Variants in DNAH8 observed in about 807,000 individuals in gnomAD.
DNAH8 encodes the protein dynein axonemal heavy chain 8, also known as axonemal beta dynein heavy chain 8.
Under a neutral mutation model 562.1 loss-of-function variants are expected in DNAH8, and 382 were observed. The observed-to-expected ratio is 0.68, with a 90% confidence interval of 0.63 to 0.74. The LOEUF (loss-of-function observed/expected upper bound fraction) is 0.74. Among genes scored for constraint, DNAH8 ranks in the 30% least tolerant of loss-of-function variants. The pLI, the probability that DNAH8 is intolerant of heterozygous loss-of-function variation, is 0.00. For synonymous variants in DNAH8, 1,881 were observed against 1,919.4 expected (o/e 0.98, Z 0.52); for missense variants, 5,203 against 5,620.4 (o/e 0.93, Z 2.37).
intron 88 of DNAH8, among the ~76,000 whole-genome samples, chr6:39,004,566 C>T (rs1765684483): frequency 6.6e-6 from 1 of 152,118 alleles, no homozygotes; most frequent in African/African-American, 2.4e-5. Context: ...GAGATGTAAT[C>T]TGCATATCTT....
At chr6:38,930,673 A>G (rs1423618588) in intron 75 of DNAH8, among the ~76,000 whole-genome samples, 1 of 152,182 alleles carries the variant, frequency 6.6e-6, no homozygotes, top group African/African-American at 2.4e-5. Flanking sequence ...ACTGGCTTGG[A>G]TATTATGGAC....
chr6:38,766,139 A>ATGTGTGTGTGTGTG (rs145206381), intron 11 of DNAH8, among the ~76,000 whole-genome samples: 6 of 150,892 alleles, frequency 4.0e-5, no homozygotes, highest in African/African-American at 1.2e-4. Flanking sequence ...ATGTGTTTGT[A>ATGTGTGTGTGTGTG]TGTGTGTGTG....
Position 38,909,677 on chromosome 6 carries a change from C to A in DNAH8, c.9673C>A (p.Gln3225Lys), listed in dbSNP as rs138703233. 1,526 of 1,614,082 alleles carry A rather than the reference C, an allele frequency of 9.5e-4. 3 individuals are homozygous for A. Among genetic ancestry groups the A allele is most frequent in the Middle Eastern group, 3.5e-3 (21 of 6,062 alleles). Residue 3225 changes from glutamine (Q) to lysine (K), a missense_variant, in exon 65 of 93, where the codon CAA becomes AAA. By Grantham distance (53) the Gln-to-Lys change is moderately conservative (BLOSUM62 1). Around this residue, in one of 6 missense-constraint regions of DNAH8, gnomAD observed 977 missense variants for 1,061.8 expected, o/e 0.92. Coordinates refer to ENST00000327475, the MANE Select transcript of DNAH8 (RefSeq NM_001206927.2). ...NIVCSSEIKR[Q>K]VVETMGLFHD... ...TGTCTGCTCTAGTGAAATTAAAAGA[C>A]AAGTTGTAGAAACAATGGGCCTGTT...
chr6:39,002,056 C>G (rs150686991), intron 88 of DNAH8, among the ~76,000 whole-genome samples: 1 of 152,266 alleles, frequency 6.6e-6, no homozygotes, highest in Non-Finnish European at 1.5e-5. Context: ...GGGCAAGGAG[C>G]AGTCCAGGAG....
At chr6:38,850,127 A>G in intron 37 of DNAH8, 124 bp from the exon 38 acceptor site, 1 of 857,750 alleles carries the variant, frequency 1.2e-6, no homozygotes. Flanking sequence ...TTGTCTGTTT[A>G]AATTATGCAG....
intron 3 of DNAH8, among the ~76,000 whole-genome samples, chr6:38,727,167 A>G (rs1763296982): frequency 6.6e-6 from 1 of 152,062 alleles, no homozygotes; most frequent in African/African-American, 2.4e-5. Flanking sequence ...CTGGAAAAGT[A>G]TTCTTTTAAT....
intron 26 of DNAH8, among the ~76,000 whole-genome samples, chr6:38,822,603 A>G (rs1427049581): frequency 6.6e-6 from 1 of 152,186 alleles, no homozygotes; most frequent in Non-Finnish European, 1.5e-5. Flanking sequence ...TCCTCTCCGA[A>G]TAACAGTTCT....
At chr6:38,984,496 A>AC in intron 87 of DNAH8, 189 bp downstream of exon 87, 8 of 548,280 alleles carry the variant, frequency 1.5e-5, no homozygotes, top group East Asian at 9.5e-5. Context: ...ACACACACAC[A>AC]ACAACCAGCA....
At position 38,724,291 on chromosome 6, in the gene DNAH8, G is replaced by T. The variant is rs564591202; in HGVS notation, c.525+820G>T. On this transcript the variant is annotated intron_variant, in intron 3 of 92. Coordinates refer to ENST00000327475, the MANE Select transcript of DNAH8 (RefSeq NM_001206927.2). ...CCACCGCACCTGGCCCAGTTGAATG[G>T]TATTTCTAATCAGGTTTACTGTTGT... Among the ~76,000 whole-genome samples the T allele has an allele frequency of 3.9e-5, 6 of 152,208 alleles. No homozygotes were observed. The South Asian group carries it at 1.2e-3, about 32-fold the overall frequency.
At chr6:38,842,630 G>A (rs1774908932) in intron 34 of DNAH8, 33 bp from the exon 35 acceptor site, 2 of 1,602,166 alleles carry the variant, frequency 1.2e-6, no homozygotes, top group Non-Finnish European at 1.7e-6. Context: ...AAATGTGAAG[G>A]TGGCATATTT....
chr6:38,944,100 A>AAACAACCAAGAAG (rs147809342), intron 79 of DNAH8, among the ~76,000 whole-genome samples: 8,701 of 152,072 alleles, frequency 0.057, 535 homozygotes, highest in Admixed American at 0.17. Context: ...ATTTCTTTGG[A>AAACAACCAAGAAG]AACAACCAAG....
chr6:38,779,933 A>C, intron 14 of DNAH8, 33 bp from the exon 15 acceptor site: 1 of 1,580,396 alleles, frequency 6.3e-7, no homozygotes, highest in Non-Finnish European at 8.7e-7. Flanking sequence ...TTTCTCATTT[A>C]CTTTTTAACC....
At chr6:39,028,893 G>T (rs1406342792) in intron 92 of DNAH8, among the ~76,000 whole-genome samples, 1 of 152,178 alleles carries the variant, frequency 6.6e-6, no homozygotes, top group South Asian at 2.1e-4. Flanking sequence ...GTCCTCACAC[G>T]GTGAGCCCCC....
At chr6:38,799,440 C>T (rs1324373592) in intron 21 of DNAH8, among the ~76,000 whole-genome samples, 4 of 152,070 alleles carry the variant, frequency 2.6e-5, no homozygotes, top group South Asian at 4.2e-4. Flanking sequence ...CTTTCCTTGC[C>T]GACAGACACT....
At position 38,981,705 on chromosome 6, in the gene DNAH8, A is replaced by G. The variant is rs74536228; in HGVS notation, c.12835-641A>G. Among the ~76,000 whole-genome samples the G allele has an allele frequency of 4.3e-3, 659 of 152,338 alleles. 11 individuals are homozygous for G. In the East Asian group the frequency reaches 0.052, roughly 12 times the overall value. The stretch of plus-strand genomic sequence containing the variant: ...AACTTTCAAGAGTCCATTGTAGAAT[A>G]ACAGTTCATTCAACAGGTATTTGTT... On this transcript the variant is annotated intron_variant, in intron 85 of 92. Transcript: ENST00000327475.
intron 20 of DNAH8, among the ~76,000 whole-genome samples, chr6:38,791,062 T>C (rs1769696015): frequency 6.6e-6 from 1 of 152,154 alleles, no homozygotes; most frequent in Admixed American, 6.5e-5. Flanking sequence ...GATCATCAAA[T>C]TGAAGATTGT....
intron 77 of DNAH8, chr6:38,936,488 A>T (rs9462467): frequency 0.36 from 54,515 of 152,072 alleles, 11,268 homozygotes; most frequent in Non-Finnish European, 0.47. Context: ...GAATTCTACT[A>T]CCTTATTAGA....
Position 38,883,429 on chromosome 6 carries a change from A to G in DNAH8, c.8109A>G (p.Ser2703=). Residue 2703 remains serine (S), a synonymous_variant, in exon 55 of 93, where the codon TCA becomes TCG. Coordinates refer to ENST00000327475, the MANE Select transcript of DNAH8 (RefSeq NM_001206927.2). ...AGCTATCCAAAAGTCTAAACTTTTC[A>G]TCTGCCACAGAACCAATGATGTTTC... ...EVQLSKSLNF[S]SATEPMMFQR... The G allele has an allele frequency of 6.2e-7, 1 of 1,612,626 alleles. No individual in the cohort carries two copies. The highest frequency in any genetic ancestry group is 1.1e-5 in the South Asian group (1 of 90,796).
At chr6:38,792,212 C>T (rs958740553) in intron 21 of DNAH8, among the ~76,000 whole-genome samples, 1 of 152,136 alleles carries the variant, frequency 6.6e-6, no homozygotes, top group Admixed American at 6.5e-5. Flanking sequence ...TTCAGCCTCC[C>T]AAGTAGCTGG....
Sources: gnomAD v4.1 joint callset for allele counts (sites outside exome capture counted in the v4.1 genomes callset) on GRCh38, gnomAD v4.1.1 for gene constraint, gnomAD v4.1.1 regional missense constraint, MANE v1.5 for transcripts, NCBI Gene and HGNC (gene_info 2026-07-23, HGNC 2026-07-21) for gene names.